RBBP6: variants seen among roughly 807,000 people sequenced by gnomAD.
RBBP6 encodes RB binding protein 6, ubiquitin ligase, also known as E3 ubiquitin-protein ligase RBBP6.
A neutral mutation model predicts 167.7 loss-of-function variants in RBBP6; 25 were observed. The ratio of observed to expected loss-of-function variants is 0.15; its 90% confidence interval spans 0.11 to 0.21. The LOEUF is 0.21. RBBP6 is among the 10% of genes least tolerant of loss of function. The pLI is 1.00. For missense variants in RBBP6, 1,868 were observed against 2,134.2 expected (o/e 0.88, Z 2.46); for synonymous variants, 789 against 735.8 (o/e 1.07, Z -1.17).
In RBBP6 at chr16:24,556,254, A is replaced by G. The variant is rs969828702; in HGVS notation, c.535-54A>G. 7.3e-5 allele frequency: 103 copies of G among 1,410,350 alleles called. 1 individual carries two copies. In the South Asian group the frequency reaches 1.2e-3, roughly 16 times the overall value. The allele number at this position is 1,410,350 out of a possible 1,614,324, so 87.4% of individuals were successfully genotyped here. On this transcript the variant is annotated intron_variant, in intron 6 of 17. Coordinates refer to ENST00000319715, the MANE Select transcript of RBBP6 (RefSeq NM_006910.5). Reference sequence around the variant, plus strand: ...TGTATAACATTAGCTAATTTATTAAATAAAGATAACTGCTTTTTCTCTTCC... The same window carrying G: ...TGTATAACATTAGCTAATTTATTAAGTAAAGATAACTGCTTTTTCTCTTCC...
chr16:24,540,758 C>T lies in RBBP6; in HGVS notation c.132C>T (p.Cys44=), dbSNP rs751799224. 6.2e-7 allele frequency: 1 copy of T among 1,613,712 alleles called. No homozygotes were observed. ...MGREKLKAAD[C]DLQITNAQTK... The stretch of plus-strand genomic sequence containing the variant: ...GAGAGAAGCTGAAAGCTGCCGACTG[C>T]GACCTGCAGATCACCAATGCGCAGA... The change falls in exon 1 of 18, where the codon TGC becomes TGT. Residue 44 remains cysteine, a synonymous_variant. Coordinates refer to ENST00000319715, the MANE Select transcript of RBBP6 (RefSeq NM_006910.5).
At chr16:24,563,760 T>A in intron 13 of RBBP6, 96 bp downstream of exon 13, 1 of 1,126,180 alleles carries the variant, frequency 8.9e-7, no homozygotes, top group Non-Finnish European at 1.3e-6. Flanking sequence ...AGGTCCAAAC[T>A]AGGCAGCGGG....
chr16:24,572,394 AGAGAAG>A lies in RBBP6; in HGVS notation c.5340_5345del (p.Glu1781_Lys1782del), dbSNP rs1489244014. The A allele has an allele frequency of 2.7e-5, 36 of 1,327,230 alleles. No individual in the cohort carries two copies. Among genetic ancestry groups the A allele is most frequent in the South Asian group, 7.7e-5 (6 of 77,926 alleles). The allele number at this position is 1,327,230 out of a possible 1,614,324, so 82.2% of individuals were successfully genotyped here. On this transcript the variant is annotated inframe_deletion, in exon 18 of 18. Transcript: ENST00000319715. ...AGAAGTCAAAGAAGAACAAAGATAA[AGAGAAG>A]GAGAAGGAGAAAGATGACCAAAAAG...
chr16:24,549,219 C>T, intron 3 of RBBP6: 3 of 1,406,954 alleles, frequency 2.1e-6, no homozygotes, highest in Non-Finnish European at 2.8e-6. Context: ...AATATGATAG[C>T]ATTATCCCTG....
At chr16:24,548,317 G>GTTTTTTTTTTTTTTTTT in intron 2 of RBBP6, among the ~76,000 whole-genome samples, 1 of 143,654 alleles carries the variant, frequency 7.0e-6, no homozygotes, top group Non-Finnish European at 1.5e-5. Context: ...TTTTTGTTCA[G>GTTTTTTTTTTTTTTTTT]TTTTTTTTTT....
chr16:24,559,384 C>A, intron 7 of RBBP6, 121 bp from the exon 8 acceptor site: 3 of 669,762 alleles, frequency 4.5e-6, no homozygotes, highest in South Asian at 2.5e-5. Flanking sequence ...AGATATGGTG[C>A]TTGTCTAAAC....
At chr16:24,556,000 A>G (rs1312906297) in intron 6 of RBBP6, 83 bp downstream of exon 6, 1 of 1,224,474 alleles carries the variant, frequency 8.2e-7, no homozygotes, top group Non-Finnish European at 1.2e-6. Context: ...TTCTTGGTTA[A>G]TACTGCCTTC....
chr16:24,543,676 T>C (rs1898561613), intron 1 of RBBP6, among the ~76,000 whole-genome samples: 1 of 152,188 alleles, frequency 6.6e-6, no homozygotes, highest in South Asian at 2.1e-4. Flanking sequence ...AGAATCCTGC[T>C]TGTTTCTAGA....
intron 3 of RBBP6, among the ~76,000 whole-genome samples, chr16:24,550,914 T>A (rs2141460943): frequency 6.6e-6 from 1 of 151,892 alleles, no homozygotes; most frequent in Admixed American, 6.6e-5. Context: ...AGATTTAGAG[T>A]CACGTGGATT....
chr16:24,546,815 C>T (rs2141456756), intron 2 of RBBP6, among the ~76,000 whole-genome samples: 1 of 152,210 alleles, frequency 6.6e-6, no homozygotes, highest in East Asian at 1.9e-4. Flanking sequence ...AGTCTCTGTG[C>T]CTCAGATTCC....
intron 13 of RBBP6, among the ~76,000 whole-genome samples, chr16:24,564,470 C>G (rs1333332260): frequency 1.3e-5 from 2 of 152,054 alleles, no homozygotes; most frequent in African/African-American, 4.8e-5. Context: ...CTTCATTGTG[C>G]CCAGCAGACA....
At position 24,539,566 on chromosome 16, in the gene RBBP6, G is replaced by T. The variant is rs1289305701; in HGVS notation, c.-1061G>T. On this transcript the variant is annotated 5_prime_UTR_variant, in exon 1 of 18. Coordinates refer to ENST00000319715, the MANE Select transcript of RBBP6 (RefSeq NM_006910.5). ...GTGCAATCCCTGCTTAAGAGACCCCGCAGTGGGGCGCTCGTCCGAAGCCAG... is the reference window on the plus strand; with the variant it reads ...GTGCAATCCCTGCTTAAGAGACCCCTCAGTGGGGCGCTCGTCCGAAGCCAG... 2 of 152,102 alleles carry T rather than the reference G, an allele frequency of 1.3e-5. No individual in the cohort carries two copies. The highest frequency in any genetic ancestry group is 2.1e-4 in the South Asian group (1 of 4,834). 9.4% of individuals were successfully genotyped at this position (152,102 alleles called of 1,614,324 possible).
In RBBP6 at chr16:24,540,700, C is replaced by T; in HGVS notation, c.74C>T (p.Ser25Phe). Reference protein sequence around the residue: ...DTVTFDGLHISLCDLKKQIMG... With the variant: ...DTVTFDGLHIFLCDLKKQIMG... ...GTCACCTTTGATGGGCTCCACATCT[C>T]CCTCTGCGACTTAAAGAAGCAGATT... The change falls in exon 1 of 18, where the codon TCC (serine) becomes TTC (phenylalanine). Residue 25 changes from serine to phenylalanine, a missense_variant. Physicochemically the swap from Ser to Phe is radical, Grantham distance 155 (BLOSUM62 -2). Transcript: ENST00000319715. The T allele has an allele frequency of 6.2e-7, 1 of 1,614,140 alleles. No homozygotes were observed. Among genetic ancestry groups the T allele is most frequent in the Non-Finnish European group, 8.5e-7 (1 of 1,180,008 alleles).
chr16:24,565,274 T>TG (rs1323815370), intron 14 of RBBP6, among the ~76,000 whole-genome samples: 1 of 152,216 alleles, frequency 6.6e-6, no homozygotes, highest in East Asian at 1.9e-4. Context: ...TAGACCCCAC[T>TG]GTCCCAATCA....
intron 3 of RBBP6, among the ~76,000 whole-genome samples, chr16:24,551,147 G>A (rs1898786407): frequency 6.6e-6 from 1 of 151,076 alleles, no homozygotes. Flanking sequence ...TATTTTATAG[G>A]ATTCTTTAAC....
intron 13 of RBBP6, 53 bp downstream of exon 13, chr16:24,563,717 G>T: frequency 6.4e-7 from 1 of 1,564,096 alleles, no homozygotes. Context: ...ACTAGATAAT[G>T]GAAGGTCCAA....
chr16:24,571,220 TACA>T lies in RBBP6; in HGVS notation c.4158_4160del (p.Gln1386del). ...ACCAAGGACGTGAGCCATGAAATCA[TACA>T]ACATGAGGTTAAAAGTTCAAAAAAC... On this transcript the variant is annotated inframe_deletion, in exon 18 of 18. Transcript: ENST00000319715. The T allele has an allele frequency of 6.2e-7, 1 of 1,613,508 alleles. No homozygotes were observed. Among genetic ancestry groups the T allele is most frequent in the Non-Finnish European group, 8.5e-7 (1 of 1,179,848 alleles).
chr16:24,559,577 A>G lies in RBBP6; in HGVS notation c.747A>G (p.Glu249=). 6.2e-7 allele frequency: 1 copy of G among 1,609,092 alleles called. No homozygotes were observed. ...AGGAGCCATCTTCTTCCTCAGAAGA[A>G]GATGATCCTATCCCAGATGAATTGT... ...LPEEPSSSSE[E]DDPIPDELLC... Residue 249 remains glutamate, a synonymous_variant, in exon 8 of 18, where the codon GAA becomes GAG. Coordinates refer to ENST00000319715, the MANE Select transcript of RBBP6 (RefSeq NM_006910.5).
At chr16:24,567,752 G>C in intron 15 of RBBP6, 40 bp from the exon 16 acceptor site, 1 of 1,501,026 alleles carries the variant, frequency 6.7e-7, no homozygotes. Context: ...TTTCTTAAAT[G>C]GTTTTTGTTA....
Sources: allele counts gnomAD v4.1 joint callset (sites outside exome capture counted in the v4.1 genomes callset), GRCh38; gene constraint gnomAD v4.1.1; transcripts MANE v1.5; gene names NCBI Gene and HGNC (gene_info 2026-07-23, HGNC 2026-07-21).